The following KCNK13 variants were observed in gnomAD, a reference collection of about 807,000 sequenced individuals.
The protein encoded by KCNK13 is potassium two pore domain channel subfamily K member 13.
In KCNK13, 12 loss-of-function variants were observed where a neutral mutation model predicts 23.4. The ratio of observed to expected loss-of-function variants is 0.51; its 90% CI spans 0.33 to 0.83. The LOEUF (loss-of-function observed/expected upper bound fraction) is 0.83, where lower values mean the gene tolerates loss of function less well. KCNK13 is among the 40% of genes least tolerant of loss of function. KCNK13 has a pLI of 0.02. For missense variants in KCNK13, 463 were observed against 556.3 expected, an observed-to-expected ratio of 0.83 and a Z score of 1.69; for synonymous variants, 231 against 229.5, an observed-to-expected ratio of 1.01 and a Z score of -0.06.
chr14:90,074,837 T>C (rs1158170743), intron 1 of KCNK13, among the ~76,000 whole-genome samples: 1 of 152,234 alleles, frequency 6.6e-6, no homozygotes, highest in Non-Finnish European at 1.5e-5. Context: ...CTTGCATAAT[T>C]TTTATTACTA....
At chr14:90,118,116 G>T (rs1404342900) in intron 1 of KCNK13, among the ~76,000 whole-genome samples, 1 of 152,160 alleles carries the variant, frequency 6.6e-6, no homozygotes, top group Non-Finnish European at 1.5e-5. Flanking sequence ...GTGAAAACAG[G>T]GCTTTTATTG....
chr14:90,096,469 C>A (rs1180616602), intron 1 of KCNK13, among the ~76,000 whole-genome samples: 2 of 152,188 alleles, frequency 1.3e-5, no homozygotes, highest in Non-Finnish European at 2.9e-5. Flanking sequence ...TGCCTGAATT[C>A]TTAGTCCTCT....
At chr14:90,124,425 G>A (rs557693644) in intron 1 of KCNK13, among the ~76,000 whole-genome samples, 8 of 152,204 alleles carry the variant, frequency 5.3e-5, no homozygotes, top group African/African-American at 1.4e-4. Flanking sequence ...AGCAGAGGTC[G>A]GAGAAATATA....
At chr14:90,134,357 C>T (rs4508365) in intron 1 of KCNK13, among the ~76,000 whole-genome samples, 25,403 of 152,174 alleles carry the variant, frequency 0.17, 2,386 homozygotes, top group South Asian at 0.29. Flanking sequence ...TTCTTGTACG[C>T]AGAGGTAACA....
At position 90,062,019 on chromosome 14, in the gene KCNK13, G is replaced by C. The variant is rs998160617; in HGVS notation, c.-187G>C. 1 of 402,272 alleles carries C rather than the reference G, an allele frequency of 2.5e-6. No individual in the cohort carries two copies. The highest frequency in any genetic ancestry group is 4.3e-6 in the Non-Finnish European group (1 of 231,592). 24.9% of individuals were successfully genotyped at this position (402,272 alleles called of 1,614,324 possible). On this transcript the variant is annotated 5_prime_UTR_variant, in exon 1 of 2. Transcript: ENST00000282146. The surrounding 1 kb of genome is among the most constrained non-coding windows in gnomAD (Gnocchi z 4.5). ...GAGGACGTGGGGAGCTGGCGCCACA[G>C]GAGCTACCGAGGCGGCGGCCGGGGG...
chr14:90,175,277 G>T (rs1285570722), intron 1 of KCNK13, among the ~76,000 whole-genome samples: 1 of 152,162 alleles, frequency 6.6e-6, no homozygotes, highest in African/African-American at 2.4e-5. Context: ...CCATGCTTGT[G>T]GGTTTGGGAG....
At chr14:90,113,446 T>G (rs1889639082) in intron 1 of KCNK13, among the ~76,000 whole-genome samples, 1 of 152,192 alleles carries the variant, frequency 6.6e-6, no homozygotes, top group Admixed American at 6.5e-5. Context: ...CTGAAAATGG[T>G]GGGGTACAAA....
intron 1 of KCNK13, among the ~76,000 whole-genome samples, chr14:90,105,895 C>A (rs1398313259): frequency 6.6e-6 from 1 of 152,054 alleles, no homozygotes; most frequent in African/African-American, 2.4e-5. Context: ...CAGGCCTTGG[C>A]AAAAGCAGGG....
intron 1 of KCNK13, among the ~76,000 whole-genome samples, chr14:90,077,563 A>G (rs773462334): frequency 2.3e-4 from 35 of 152,066 alleles, no homozygotes; most frequent in Admixed American, 1.7e-3. Context: ...GTTTTCATCT[A>G]TTTGCTTACT....
chr14:90,132,538 T>A (rs1470894390), intron 1 of KCNK13, among the ~76,000 whole-genome samples: 1 of 143,404 alleles, frequency 7.0e-6, no homozygotes, highest in African/African-American at 2.6e-5. Context: ...AGTGAGACTC[T>A]GTCTCAAAAA....
chr14:90,132,498 C>A (rs1323179463), intron 1 of KCNK13, among the ~76,000 whole-genome samples: 5 of 149,256 alleles, frequency 3.3e-5, no homozygotes, highest in Non-Finnish European at 7.4e-5. Flanking sequence ...GAGCCAAGAT[C>A]TTGTCACTGC....
intron 1 of KCNK13, among the ~76,000 whole-genome samples, chr14:90,131,961 G>T (rs1889879996): frequency 6.6e-6 from 1 of 152,214 alleles, no homozygotes; most frequent in South Asian, 2.1e-4. Flanking sequence ...GTAGGATCTT[G>T]AAGAGATATT....
chr14:90,145,125 A>C (rs77683393), intron 1 of KCNK13, among the ~76,000 whole-genome samples: 9,880 of 152,252 alleles, frequency 0.065, 415 homozygotes, highest in South Asian at 0.21. Flanking sequence ...ACAAATAGAA[A>C]GGTGGGGCAC....
intron 1 of KCNK13, among the ~76,000 whole-genome samples, chr14:90,075,458 C>T (rs1032138399): frequency 5.3e-5 from 8 of 152,158 alleles, no homozygotes; most frequent in Admixed American, 5.2e-4. Flanking sequence ...CCCATGACCT[C>T]TTTAACCTCT....
chr14:90,108,098 T>TTTTTTC, intron 1 of KCNK13: 1 of 445,978 alleles, frequency 2.2e-6, no homozygotes, highest in South Asian at 2.5e-5. Flanking sequence ...CACAAACAGC[T>TTTTTTC]TTTTTCTTCT....
At chr14:90,087,143 T>C (rs1329957906) in intron 1 of KCNK13, among the ~76,000 whole-genome samples, 2 of 115,384 alleles carry the variant, frequency 1.7e-5, no homozygotes, top group Admixed American at 1.7e-4. Context: ...TATATATATA[T>C]ATATATATAT....
In KCNK13 at chr14:90,076,544, T is replaced by C. The variant is rs369092459; in HGVS notation, c.334+14005T>C. On this transcript the variant is annotated intron_variant, in intron 1 of 1. Coordinates refer to ENST00000282146, the MANE Select transcript of KCNK13 (RefSeq NM_022054.4). ...AACCCCCATCTGTACGTGAGCTCAA[T>C]GCTATCTCATTGGCGCAAACCATGT... Among the ~76,000 whole-genome samples the C allele has an allele frequency of 9.9e-5, 15 of 152,102 alleles. 1 individual carries two copies. The East Asian group carries it at 2.1e-3, about 22-fold the overall frequency.
rs770019532 is a variant in KCNK13, at chr14:90,184,173, G to A, written c.397G>A (p.Val133Ile). 29 of 1,614,222 alleles carry A rather than the reference G, an allele frequency of 1.8e-5. No homozygotes were observed. The highest frequency in any genetic ancestry group is 2.5e-5 in the Non-Finnish European group (29 of 1,180,040). Residue 133 changes from valine to isoleucine, a missense_variant, in exon 2 of 2, where the codon GTT becomes ATT. Around this residue, in one of 3 missense-constraint regions of KCNK13, gnomAD observed 144 missense variants for 224.0 expected, o/e 0.64. Transcript: ENST00000282146. The surrounding 1 kb of genome is among the most constrained non-coding windows in gnomAD (Gnocchi z 5.6). ...AATCTTTCTGATCTTTTACGGCCTT[G>A]TTGGGTGTTCCAGCACCATCTTGTT... ...GKIFLIFYGL[V>I]GCSSTILFFN...
chr14:90,067,024 A>C (rs994756977), intron 1 of KCNK13, among the ~76,000 whole-genome samples: 12 of 152,262 alleles, frequency 7.9e-5, no homozygotes, highest in African/African-American at 2.9e-4. Flanking sequence ...TAATCCCAAC[A>C]CTTTGGGAGG....
Sources: gnomAD v4.1 joint callset for allele counts (sites outside exome capture counted in the v4.1 genomes callset) on GRCh38, gnomAD v4.1.1 for gene constraint, gnomAD v4.1.1 regional missense constraint, Gnocchi (gnomAD v3.1) non-coding constraint, MANE v1.5 for transcripts, NCBI Gene and HGNC (gene_info 2026-07-23, HGNC 2026-07-21) for gene names.